The following SLC38A1 variants were observed in gnomAD, a reference collection of about 807,000 sequenced individuals.
The protein encoded by SLC38A1 is solute carrier family 38 member 1.
SLC38A1 carries 18 observed loss-of-function variants against 60.3 expected under a neutral mutation model. The observed-to-expected ratio is 0.30, with a 90% CI of 0.21 to 0.44. The LOEUF (loss-of-function observed/expected upper bound fraction) is 0.44. SLC38A1 is among the 20% of genes least tolerant of loss of function. The pLI is 1.00. For synonymous variants in SLC38A1, 196 were observed against 212.1 expected, an observed-to-expected ratio of 0.92 and a Z score of 0.66; for missense variants, 448 against 587.2, an observed-to-expected ratio of 0.76 and a Z score of 2.45.
intron 1 of SLC38A1, among the ~76,000 whole-genome samples, chr12:46,262,758 T>C (rs1251737998): frequency 6.6e-6 from 1 of 152,180 alleles, no homozygotes; most frequent in Non-Finnish European, 1.5e-5. Context: ...AAGAGGATCA[T>C]TTATAAAAAG....
chr12:46,207,163 C>G lies in SLC38A1; in HGVS notation c.555G>C (p.Glu185Asp), dbSNP rs1254927450. The change falls in exon 8 of 17, where the codon GAG becomes GAC. Residue 185 changes from glutamate to aspartate, a missense_variant. Physicochemically the swap from Glu to Asp is conservative, Grantham distance 45. Around this residue, in one of 2 missense-constraint regions of SLC38A1, gnomAD observed 346 missense variants for 497.5 expected, o/e 0.70. Transcript: ENST00000398637. ...SAIKFLMGKEETFSAWYVDGR... is the reference protein window; with the variant it reads ...SAIKFLMGKEDTFSAWYVDGR... ...AATGGTCTATAACTTACGAAAATGT[C>G]TCTTCCTTTCCCATTAGAAACTTTA... 3 of 1,607,682 alleles carry G rather than the reference C, an allele frequency of 1.9e-6. No homozygotes were observed. The highest frequency in any genetic ancestry group is 2.5e-6 in the Non-Finnish European group (3 of 1,176,606).
intron 1 of SLC38A1, among the ~76,000 whole-genome samples, chr12:46,256,634 C>CAGAG (rs538542582): frequency 3.9e-5 from 2 of 50,900 alleles, no homozygotes; most frequent in African/African-American, 9.1e-5. Context: ...CACACACACA[C>CAGAG]ACAGAGAGAG....
chr12:46,211,137 G>A (rs1009938174), intron 5 of SLC38A1, among the ~76,000 whole-genome samples: 50 of 152,178 alleles, frequency 3.3e-4, no homozygotes, highest in African/African-American at 9.7e-4. Context: ...GAGTTCACTT[G>A]TTTTGAGGGA....
At chr12:46,247,046 C>G (rs991890682) in intron 1 of SLC38A1, among the ~76,000 whole-genome samples, 2 of 152,102 alleles carry the variant, frequency 1.3e-5, no homozygotes, top group African/African-American at 2.4e-5. Context: ...CATCAAAGAC[C>G]AAAGGTAGAT....
intron 5 of SLC38A1, among the ~76,000 whole-genome samples, chr12:46,224,029 T>C (rs1940767771): frequency 6.6e-6 from 1 of 152,226 alleles, no homozygotes; most frequent in African/African-American, 2.4e-5. Context: ...CCCACCATTC[T>C]TCCATGTCAA....
Position 46,188,954 on chromosome 12 carries a change from T to C in SLC38A1, c.*16A>G, listed in dbSNP as rs1199519631. On this transcript the variant is annotated 3_prime_UTR_variant, in exon 17 of 17. Transcript: ENST00000398637. ...ACTGAGCAGACAACAGGGATGTTTC[T>C]TTTTCTCGGCGGGTTTCAGTGGCCT... 22 of 1,609,204 alleles carry C rather than the reference T, an allele frequency of 1.4e-5. No individual in the cohort carries two copies. Among genetic ancestry groups the C allele is most frequent in the Admixed American group, 6.7e-5 (4 of 59,936 alleles).
intron 5 of SLC38A1, among the ~76,000 whole-genome samples, chr12:46,218,389 T>C (rs1940507500): frequency 6.6e-6 from 1 of 152,212 alleles, no homozygotes; most frequent in Admixed American, 6.5e-5. Context: ...TATGCTGTTC[T>C]CGGTGGGTAT....
intron 1 of SLC38A1, among the ~76,000 whole-genome samples, chr12:46,248,075 A>G (rs943031063): frequency 3.0e-4 from 46 of 152,370 alleles, no homozygotes; most frequent in Non-Finnish European, 3.4e-4. Context: ...CAGCCACTGC[A>G]AAAACATGCC....
intron 3 of SLC38A1, among the ~76,000 whole-genome samples, chr12:46,230,008 A>C (rs1176025128): frequency 6.6e-6 from 1 of 152,236 alleles, no homozygotes. Context: ...TTTAATAATA[A>C]ATTTAAACAC....
At chr12:46,210,597 C>T (rs1158969118) in intron 5 of SLC38A1, among the ~76,000 whole-genome samples, 1 of 152,120 alleles carries the variant, frequency 6.6e-6, no homozygotes, top group Non-Finnish European at 1.5e-5. Flanking sequence ...CCCATAATTT[C>T]CACGTGTTTT....
chr12:46,236,523 A>G (rs1373554770), intron 3 of SLC38A1, among the ~76,000 whole-genome samples: 1 of 152,180 alleles, frequency 6.6e-6, no homozygotes, highest in Non-Finnish European at 1.5e-5. Flanking sequence ...AATAAGATCT[A>G]TGATAGAGCT....
chr12:46,253,205 T>C (rs1391573928), intron 1 of SLC38A1, among the ~76,000 whole-genome samples: 1 of 152,052 alleles, frequency 6.6e-6, no homozygotes, highest in East Asian at 1.9e-4. Context: ...GGACCAGAAG[T>C]GTTACAAGAA....
chr12:46,229,463 C>T (rs1360706437), intron 4 of SLC38A1, 101 bp downstream of exon 4: 2 of 938,790 alleles, frequency 2.1e-6, no homozygotes, highest in Non-Finnish European at 3.4e-6. Context: ...CTGGTGAATA[C>T]AGGTAGTTAT....
intron 2 of SLC38A1, among the ~76,000 whole-genome samples, chr12:46,241,007 TG>T (rs1209002603): frequency 6.6e-6 from 1 of 152,156 alleles, no homozygotes; most frequent in Non-Finnish European, 1.5e-5. Context: ...ACCCTGAATG[TG>T]CCCAATCTTG....
chr12:46,201,833 A>G (rs951933399), intron 12 of SLC38A1, among the ~76,000 whole-genome samples: 1 of 150,508 alleles, frequency 6.6e-6, no homozygotes, highest in African/African-American at 2.5e-5. Flanking sequence ...AACAGACCAC[A>G]GATAGTCATA....
At chr12:46,241,858 C>T (rs1464772419) in intron 2 of SLC38A1, among the ~76,000 whole-genome samples, 1 of 152,152 alleles carries the variant, frequency 6.6e-6, no homozygotes, top group Non-Finnish European at 1.5e-5. Context: ...TATTACAGGG[C>T]TGATAGAAAG....
In SLC38A1 at chr12:46,239,746, G is replaced by A; in HGVS notation, c.55C>T (p.Pro19Ser). The A allele has an allele frequency of 6.2e-7, 1 of 1,613,160 alleles. No individual in the cohort carries two copies. The highest frequency in any genetic ancestry group is 1.3e-5 in the African/African-American group (1 of 74,946). ...ELTELQNMTV[P>S]EDDNISNDSN... ...TCATTGCTAATGTTATCATCCTCGG[G>A]CACTGTCATGTTTTGCAACTCAGTT... Residue 19 changes from proline (P) to serine (S), a missense_variant, in exon 3 of 17, where the codon CCC becomes TCC. This residue lies in a region of SLC38A1 where 102 missense variants were observed against 89.7 expected (regional missense o/e 1.14). Coordinates refer to ENST00000398637, the MANE Select transcript of SLC38A1 (RefSeq NM_030674.4).
chr12:46,201,507 A>T (rs10880935), intron 12 of SLC38A1, among the ~76,000 whole-genome samples: 38,280 of 152,060 alleles, frequency 0.25, 6,531 homozygotes, highest in African/African-American at 0.49. Context: ...TCTCCACACT[A>T]GCTGGGCAAA....
intron 5 of SLC38A1, among the ~76,000 whole-genome samples, chr12:46,222,870 C>T (rs1940712674): frequency 6.6e-6 from 1 of 152,102 alleles, no homozygotes; most frequent in South Asian, 2.1e-4. Flanking sequence ...TGAACAGGAA[C>T]CTGACATCCT....
Sources: allele counts gnomAD v4.1 joint callset (sites outside exome capture counted in the v4.1 genomes callset), GRCh38; gene constraint gnomAD v4.1.1; regional missense constraint gnomAD v4.1.1; transcripts MANE v1.5; gene names NCBI Gene and HGNC (gene_info 2026-07-23, HGNC 2026-07-21).